Variants in CD81 observed in about 807,000 individuals in gnomAD.
CD81 encodes CD81 antigen.
Under a neutral mutation model 30.1 loss-of-function variants are expected in CD81, and 10 were observed. The ratio of observed to expected loss-of-function variants is 0.33; its 90% CI spans 0.21 to 0.56. CD81 has a LOEUF of 0.56. Ranked by LOEUF, CD81 falls within the 20% of genes least tolerant of loss-of-function variation. The pLI is 0.89. For missense variants in CD81, 263 were observed against 308.7 expected, an observed-to-expected ratio of 0.85 and a Z score of 1.11; for synonymous variants, 147 against 126.4, an observed-to-expected ratio of 1.16 and a Z score of -1.10.
At chr11:2,387,897 C>T (rs1849824803) in intron 1 of CD81, among the ~76,000 whole-genome samples, 1 of 152,226 alleles carries the variant, frequency 6.6e-6, no homozygotes, top group Non-Finnish European at 1.5e-5. Context: ...GCAGGAGGCA[C>T]AGCTCCTCAG....
intron 1 of CD81, chr11:2,385,813 G>T: frequency 1.6e-6 from 1 of 637,002 alleles, no homozygotes. Flanking sequence ...ACCGGTCAGT[G>T]GGCATATGGG....
chr11:2,376,322 G>A (rs536848424), upstream of CD81: 5 of 152,392 alleles, frequency 3.3e-5, no homozygotes, highest in African/African-American at 1.2e-4. Flanking sequence ...CTGGCTAGAG[G>A]ATGGTTCTCC....
intron 1 of CD81, chr11:2,386,066 GGTGT>G: frequency 1.4e-6 from 1 of 717,380 alleles, no homozygotes; most frequent in Non-Finnish European, 2.6e-6. Context: ...AGCAGCATGT[GGTGT>G]GGTTGGTCTT....
intron 1 of CD81, chr11:2,390,170 G>A (rs1849872283): frequency 1.6e-6 from 1 of 612,606 alleles, no homozygotes; most frequent in African/African-American, 1.8e-5. Context: ...CTGCCCTGGA[G>A]TCACACTCCA....
chr11:2,380,433 A>ACG, intron 1 of CD81, among the ~76,000 whole-genome samples: 2 of 152,072 alleles, frequency 1.3e-5, no homozygotes, highest in East Asian at 3.9e-4. Flanking sequence ...ATGTGCACAC[A>ACG]CACACACTCC....
At chr11:2,376,252 C>A (rs1194132811), upstream of CD81, 2 of 152,222 alleles carry the variant, frequency 1.3e-5, no homozygotes, top group African/African-American at 4.8e-5. Context: ...CAGAACATTC[C>A]CATCGTTGCA....
In CD81 at chr11:2,377,977, C is replaced by A. The variant is rs552370922; in HGVS notation, c.66+362C>A. The A allele has an allele frequency of 4.5e-3, 691 of 154,926 alleles. 4 individuals are homozygous for A. Among genetic ancestry groups the A allele is most frequent in the Middle Eastern group, 0.013 (4 of 316 alleles). 9.6% of individuals were successfully genotyped at this position (154,926 alleles called of 1,614,324 possible). A position where few individuals can be genotyped will look rare whatever the true frequency, so the allele number is the denominator to read the frequency against. On this transcript the variant is annotated intron_variant, in intron 1 of 7. Coordinates refer to ENST00000263645, the MANE Select transcript of CD81 (RefSeq NM_004356.4). This position sits in a 1 kb window ranked among gnomAD's most constrained non-coding sequence, Gnocchi z 7.7. Reference sequence around the variant, plus strand: ...AGCTAAGGAGGGGCCTGCGCGGGTCCCTGGCCGCGGATTCCGGACTGCTGC... The same window carrying A: ...AGCTAAGGAGGGGCCTGCGCGGGTCACTGGCCGCGGATTCCGGACTGCTGC...
Position 2,377,690 on chromosome 11 carries a change from T to A in CD81, c.66+75T>A. On this transcript the variant is annotated intron_variant, in intron 1 of 7. Coordinates refer to ENST00000263645, the MANE Select transcript of CD81 (RefSeq NM_004356.4). This position sits in a 1 kb window ranked among gnomAD's most constrained non-coding sequence, Gnocchi z 7.7. Reference sequence around the variant, plus strand: ...ACGTTGGGCAGGTCCCGCGGCAGCGTGCTAGGCCCCGCGGGCGCAGCGCGG... The same window carrying A: ...ACGTTGGGCAGGTCCCGCGGCAGCGAGCTAGGCCCCGCGGGCGCAGCGCGG... The A allele has an allele frequency of 3.0e-6, 3 of 998,380 alleles. No individual in the cohort carries two copies. The highest frequency in any genetic ancestry group is 4.2e-6 in the Non-Finnish European group (3 of 711,802). 61.8% of individuals were successfully genotyped at this position (998,380 alleles called of 1,614,324 possible).
chr11:2,380,420 C>A (rs761002952), intron 1 of CD81, among the ~76,000 whole-genome samples: 12 of 152,060 alleles, frequency 7.9e-5, no homozygotes, highest in Non-Finnish European at 1.5e-4. Context: ...CTCACACACA[C>A]GAATGTGCAC....
intron 1 of CD81, among the ~76,000 whole-genome samples, chr11:2,388,169 C>A (rs1452622099): frequency 6.6e-6 from 1 of 152,236 alleles, no homozygotes; most frequent in Non-Finnish European, 1.5e-5. Flanking sequence ...GCCTCAGCCT[C>A]CAAAGGTGCT....
chr11:2,383,987 G>A (rs1161121908), intron 1 of CD81, among the ~76,000 whole-genome samples: 2 of 152,180 alleles, frequency 1.3e-5, no homozygotes, highest in African/African-American at 4.8e-5. Flanking sequence ...ATGGGTAGGG[G>A]AGCTGACCTA....
intron 3 of CD81, 40 bp from the exon 4 acceptor site, chr11:2,394,932 C>T (rs1437845087): frequency 6.3e-7 from 1 of 1,584,646 alleles, no homozygotes; most frequent in Non-Finnish European, 8.7e-7. Flanking sequence ...CCGCCTACAG[C>T]CTGCCCTCTT....
At chr11:2,383,238 C>T (rs574427517) in intron 1 of CD81, among the ~76,000 whole-genome samples, 2 of 152,298 alleles carry the variant, frequency 1.3e-5, no homozygotes, top group Admixed American at 6.5e-5. Flanking sequence ...GCTGCCTTTT[C>T]GCCCCTGGAG....
Position 2,397,004 on chromosome 11 carries a change from TTTG to T in CD81, c.*141_*143del. ...CACGTAGCCTTTTTACTTTTGGGGT[TTTG>T]TTTTTGTTCTGAACTTTCCTGTTAC... On this transcript the variant is annotated 3_prime_UTR_variant, in exon 8 of 8. Coordinates refer to ENST00000263645, the MANE Select transcript of CD81 (RefSeq NM_004356.4). The T allele has an allele frequency of 1.2e-6, 1 of 853,924 alleles. No individual in the cohort carries two copies. Among genetic ancestry groups the T allele is most frequent in the Admixed American group, 2.1e-5 (1 of 48,044 alleles). The allele number at this position is 853,924 out of a possible 1,614,324, so 52.9% of individuals were successfully genotyped here.
intron 5 of CD81, 57 bp downstream of exon 5, chr11:2,395,577 G>C (rs985199360): frequency 1.5e-6 from 2 of 1,362,256 alleles, no homozygotes; most frequent in Admixed American, 1.7e-5. Context: ...GGCGGGGTGT[G>C]TCTCGTCCTG....
At chr11:2,389,249 T>C (rs1849852630) in intron 1 of CD81, among the ~76,000 whole-genome samples, 1 of 152,106 alleles carries the variant, frequency 6.6e-6, no homozygotes, top group Non-Finnish European at 1.5e-5. Flanking sequence ...CGAGGGGTGC[T>C]GAAGTGGAGG....
chr11:2,384,533 G>T (rs1344535420), intron 1 of CD81: 1 of 135,962 alleles, frequency 7.4e-6, no homozygotes, highest in Admixed American at 7.2e-5. Flanking sequence ...GGGACGGCTT[G>T]TGGGGTGGGG....
chr11:2,386,772 C>T (rs1564991491), intron 1 of CD81: 10 of 646,576 alleles, frequency 1.5e-5, no homozygotes, highest in South Asian at 1.3e-4. Flanking sequence ...TCCGGCTGTC[C>T]CTCCCACCCC....
chr11:2,390,217 G>A (rs961584873), intron 1 of CD81, 195 bp from the exon 2 acceptor site: 14 of 654,730 alleles, frequency 2.1e-5, no homozygotes, highest in African/African-American at 1.4e-4. Flanking sequence ...AGTAGATGGC[G>A]GCCAAAGCAC....
Sources: allele counts gnomAD v4.1 joint callset (sites outside exome capture counted in the v4.1 genomes callset), GRCh38; gene constraint gnomAD v4.1.1; non-coding constraint Gnocchi (gnomAD v3.1); transcripts MANE v1.5; gene names NCBI Gene and HGNC (gene_info 2026-07-23, HGNC 2026-07-21).